Variants in PLGRKT observed in about 807,000 individuals in gnomAD.
PLGRKT encodes plasminogen receptor (KT).
A neutral mutation model predicts 18.5 loss-of-function variants in PLGRKT; 22 were observed. That is an observed-to-expected ratio of 1.19 (90% CI 0.85 to 1.70). The LOEUF (loss-of-function observed/expected upper bound fraction) is 1.70. Among genes scored for constraint, PLGRKT ranks in the 40% most tolerant of loss-of-function variants. PLGRKT has a pLI of 0.00. For synonymous variants in PLGRKT, 72 were observed against 52.8 expected, an observed-to-expected ratio of 1.36 and a Z score of -1.58; for missense variants, 235 against 174.4, an observed-to-expected ratio of 1.35 and a Z score of -1.96.
intron 3 of PLGRKT, among the ~76,000 whole-genome samples, chr9:5,429,108 T>C (rs10975112): frequency 0.53 from 80,853 of 152,118 alleles, 24,595 homozygotes; most frequent in Non-Finnish European, 0.67. Flanking sequence ...TTATAGCCAA[T>C]TCAAGATACT....
chr9:5,408,576 G>C (rs1818301379), intron 3 of PLGRKT, among the ~76,000 whole-genome samples: 1 of 152,212 alleles, frequency 6.6e-6, no homozygotes, highest in Non-Finnish European at 1.5e-5. Flanking sequence ...GAGCATAAAA[G>C]TTTACAAAAT....
intron 3 of PLGRKT, among the ~76,000 whole-genome samples, chr9:5,393,013 T>C (rs557646193): frequency 1.4e-3 from 209 of 151,678 alleles, no homozygotes; most frequent in Non-Finnish European, 2.5e-3. Context: ...GGCTAATTTT[T>C]GTATTTTTAT....
intron 3 of PLGRKT, among the ~76,000 whole-genome samples, chr9:5,416,998 A>T (rs541569325): frequency 1.3e-5 from 2 of 152,364 alleles, no homozygotes; most frequent in East Asian, 3.8e-4. Context: ...GACTTGGTGG[A>T]CATTTTTAGT....
At position 5,418,848 on chromosome 9, in the gene PLGRKT, G is replaced by T; in HGVS notation, c.81+13049C>A. The T allele has an allele frequency of 9.3e-7, 1 of 1,071,006 alleles. No homozygotes were observed. Among genetic ancestry groups the T allele is most frequent in the Non-Finnish European group, 1.4e-6 (1 of 697,546 alleles). 66.3% of individuals were successfully genotyped at this position (1,071,006 alleles called of 1,614,324 possible). A position where few individuals can be genotyped will look rare whatever the true frequency, so the allele number is the denominator to read the frequency against. On this transcript the variant is annotated intron_variant, in intron 3 of 5. Transcript: ENST00000223864. The surrounding 1 kb of genome is among the most constrained non-coding windows in gnomAD (Gnocchi z 4.2). ...AGGGGCATCGCACATCCTTCTGGCT[G>T]GTCCTCGTCTGCTGGAGGCAAACTG...
At chr9:5,424,015 T>C (rs1002728556) in intron 3 of PLGRKT, among the ~76,000 whole-genome samples, 1 of 138,672 alleles carries the variant, frequency 7.2e-6, no homozygotes, top group African/African-American at 2.7e-5. Flanking sequence ...ATTTCATCTA[T>C]TATATATGAC....
At chr9:5,434,496 G>A (rs1818917659) in intron 2 of PLGRKT, among the ~76,000 whole-genome samples, 2 of 149,436 alleles carry the variant, frequency 1.3e-5, no homozygotes, top group Admixed American at 1.3e-4. Flanking sequence ...GCCCCGCCTG[G>A]GAAGTGAGGG....
chr9:5,432,246 G>C (rs563719687), intron 2 of PLGRKT, among the ~76,000 whole-genome samples: 11 of 151,980 alleles, frequency 7.2e-5, no homozygotes, highest in African/African-American at 2.4e-4. Context: ...TGCTCTATAA[G>C]TATATGGCTG....
chr9:5,408,513 C>G (rs1364478724), intron 3 of PLGRKT, among the ~76,000 whole-genome samples: 1 of 152,164 alleles, frequency 6.6e-6, no homozygotes, highest in African/African-American at 2.4e-5. Flanking sequence ...GCAGCCTAGG[C>G]TCATATGCAC....
At position 5,408,145 on chromosome 9, in the gene PLGRKT, C is replaced by T. The variant is rs528679164; in HGVS notation, c.81+23752G>A. 6.6e-5 allele frequency among the ~76,000 whole-genome samples: 10 copies of T among 152,338 alleles called. No individual in the cohort carries two copies. The East Asian group carries it at 1.9e-3, about 29-fold the overall frequency. On this transcript the variant is annotated intron_variant, in intron 3 of 5. Coordinates refer to ENST00000223864, the MANE Select transcript of PLGRKT (RefSeq NM_018465.4). The stretch of plus-strand genomic sequence containing the variant: ...ATAAAATCATATTATCTTGTTCACA[C>T]TGAAAGTGGCTTTCGAACTGTGAAA...
intron 3 of PLGRKT, among the ~76,000 whole-genome samples, chr9:5,407,406 G>A (rs967868346): frequency 4.6e-5 from 7 of 152,074 alleles, no homozygotes; most frequent in Non-Finnish European, 8.8e-5. Context: ...CTTCTTCCAA[G>A]GAAAGCACTA....
chr9:5,361,867 G>T lies in PLGRKT; in HGVS notation c.103C>A (p.Gln35Lys). The change falls in exon 4 of 6, where the codon CAG (glutamine) becomes AAG (lysine). Residue 35 changes from glutamine to lysine, a missense_variant. Transcript: ENST00000223864. ...ATTTGTCTTTCCCTCATTTCACTCT[G>T]CATGATGAGCTGCCTTTCCAGCTAA... ...RLQLERQLIM[Q>K]SEMRERQMAM... 1.9e-6 allele frequency: 3 copies of T among 1,612,710 alleles called. No homozygotes were observed. The highest frequency in any genetic ancestry group is 1.7e-6 in the Non-Finnish European group (2 of 1,179,404).
chr9:5,361,213 C>T (rs563349847), intron 4 of PLGRKT, 26 bp from the exon 5 acceptor site: 2 of 1,366,162 alleles, frequency 1.5e-6, no homozygotes, highest in Admixed American at 1.9e-5. Context: ...AAAGAAGAAC[C>T]AATATCAAAA....
intron 3 of PLGRKT, among the ~76,000 whole-genome samples, chr9:5,375,181 A>G (rs1377364441): frequency 6.6e-6 from 1 of 152,242 alleles, no homozygotes; most frequent in African/African-American, 2.4e-5. Flanking sequence ...GAAAAGATGT[A>G]CATTTTACAT....
chr9:5,432,826 G>A (rs1000652729), intron 2 of PLGRKT, among the ~76,000 whole-genome samples: 1 of 152,304 alleles, frequency 6.6e-6, no homozygotes, highest in African/African-American at 2.4e-5. Flanking sequence ...GGAGTGCAGT[G>A]GCGTGATCTC....
chr9:5,389,630 G>A (rs1231918734), intron 3 of PLGRKT, among the ~76,000 whole-genome samples: 1 of 151,838 alleles, frequency 6.6e-6, no homozygotes, highest in African/African-American at 2.4e-5. Context: ...CTTAGTCCTA[G>A]ACATGCTCAT....
chr9:5,406,604 T>TTGGGGGAGGG, intron 3 of PLGRKT, among the ~76,000 whole-genome samples: 1 of 150,976 alleles, frequency 6.6e-6, no homozygotes, highest in Non-Finnish European at 1.5e-5. Flanking sequence ...CTGGGGCCTG[T>TTGGGGGAGGG]TGGGGGAGGG....
chr9:5,386,960 G>C (rs1355238853), intron 3 of PLGRKT, among the ~76,000 whole-genome samples: 3 of 151,928 alleles, frequency 2.0e-5, no homozygotes, highest in Non-Finnish European at 4.4e-5. Context: ...GGACAGCATG[G>C]AGTGAGCAAG....
At chr9:5,429,690 T>A (rs530104029) in intron 3 of PLGRKT, among the ~76,000 whole-genome samples, 1 of 152,328 alleles carries the variant, frequency 6.6e-6, no homozygotes, top group Non-Finnish European at 1.5e-5. Flanking sequence ...TCATTTTAAC[T>A]TGATTACCTC....
At chr9:5,419,500 G>C (rs1818531514) in intron 3 of PLGRKT, among the ~76,000 whole-genome samples, 1 of 152,176 alleles carries the variant, frequency 6.6e-6, no homozygotes, top group Non-Finnish European at 1.5e-5. Context: ...AGCTGAGCCA[G>C]ACATGCCCTA....
Sources: allele counts gnomAD v4.1 joint callset (sites outside exome capture counted in the v4.1 genomes callset), GRCh38; gene constraint gnomAD v4.1.1; non-coding constraint Gnocchi (gnomAD v3.1); transcripts MANE v1.5; gene names NCBI Gene and HGNC (gene_info 2026-07-23, HGNC 2026-07-21).